Variants in DLG2 observed in about 807,000 individuals in gnomAD.
The protein encoded by DLG2 is disks large homolog 2.
In DLG2, 45 loss-of-function variants were observed where a neutral mutation model predicts 132.5. The ratio of observed to expected loss-of-function variants is 0.34; its 90% confidence interval spans 0.27 to 0.44. The LOEUF (loss-of-function observed/expected upper bound fraction) is 0.44, where lower values mean the gene tolerates loss of function less well. DLG2 is among the 20% of genes least tolerant of loss of function. DLG2 has a pLI of 1.00. For synonymous variants in DLG2, 424 were observed against 419.6 expected (o/e 1.01, Z -0.13); for missense variants, 1,045 against 1,196.9 (o/e 0.87, Z 1.87).
chr11:85,087,510 G>A (rs2154174405), intron 6 of DLG2, among the ~76,000 whole-genome samples: 1 of 152,320 alleles, frequency 6.6e-6, no homozygotes, highest in Admixed American at 6.5e-5. Flanking sequence ...CAAAGGGAAA[G>A]ACTGTCATGC....
intron 6 of DLG2, among the ~76,000 whole-genome samples, chr11:85,016,560 G>C (rs1203477264): frequency 6.6e-6 from 1 of 152,006 alleles, no homozygotes; most frequent in Non-Finnish European, 1.5e-5. Context: ...GATAAATACT[G>C]CATCTGGTCT....
At chr11:84,216,738 G>T (rs2096840763) in intron 8 of DLG2, among the ~76,000 whole-genome samples, 1 of 152,140 alleles carries the variant, frequency 6.6e-6, no homozygotes, top group Non-Finnish European at 1.5e-5. Context: ...CATATAGTGG[G>T]CTATAATATA....
chr11:85,225,331 C>T (rs1025975819), intron 4 of DLG2, among the ~76,000 whole-genome samples: 4 of 152,020 alleles, frequency 2.6e-5, no homozygotes, highest in African/African-American at 9.7e-5. Flanking sequence ...AGATCCTGTC[C>T]CAGCCCACTC....
chr11:83,824,333 T>C (rs1478098652), intron 17 of DLG2, among the ~76,000 whole-genome samples: 1 of 152,116 alleles, frequency 6.6e-6, no homozygotes. Flanking sequence ...TTCCATGTTA[T>C]ATTGGAAATA....
At chr11:83,610,231 T>C (rs975783940) in intron 19 of DLG2, among the ~76,000 whole-genome samples, 3 of 151,970 alleles carry the variant, frequency 2.0e-5, no homozygotes, top group African/African-American at 7.2e-5. Context: ...GATCCCAGAG[T>C]TTACCTCTTC....
chr11:85,006,846 T>C (rs1003129542), intron 6 of DLG2, among the ~76,000 whole-genome samples: 2 of 152,254 alleles, frequency 1.3e-5, no homozygotes, highest in South Asian at 2.1e-4. Context: ...AGATCTTTCC[T>C]GCTTTCCTCT....
chr11:84,414,658 T>C (rs763775862), intron 7 of DLG2, among the ~76,000 whole-genome samples: 1 of 152,192 alleles, frequency 6.6e-6, no homozygotes, highest in Non-Finnish European at 1.5e-5. Flanking sequence ...CTGATCTATC[T>C]AATGACACTT....
At chr11:84,979,806 C>T (rs1236877731) in intron 6 of DLG2, among the ~76,000 whole-genome samples, 1 of 151,368 alleles carries the variant, frequency 6.6e-6, no homozygotes, top group Non-Finnish European at 1.5e-5. Flanking sequence ...AAAGTATAAT[C>T]ATTAACAAAA....
intron 21 of DLG2, among the ~76,000 whole-genome samples, chr11:83,500,633 G>A (rs921926374): frequency 1.3e-5 from 2 of 149,878 alleles, no homozygotes; most frequent in Non-Finnish European, 3.0e-5. Context: ...TGTCAGCTAG[G>A]GGGGTTATTT....
chr11:83,807,292 T>A (rs2046152764), intron 17 of DLG2, among the ~76,000 whole-genome samples: 2 of 152,126 alleles, frequency 1.3e-5, no homozygotes, highest in Non-Finnish European at 2.9e-5. Context: ...ATCAGAAAAA[T>A]TTTCCATTTA....
intron 3 of DLG2, among the ~76,000 whole-genome samples, chr11:85,458,409 T>C (rs1166324368): frequency 6.6e-6 from 1 of 152,330 alleles, no homozygotes; most frequent in East Asian, 1.9e-4. Context: ...TTCATTCCTA[T>C]CCATATTCTG....
At chr11:85,348,009 T>A in intron 3 of DLG2, among the ~76,000 whole-genome samples, 1 of 120,652 alleles carries the variant, frequency 8.3e-6, no homozygotes, top group Non-Finnish European at 1.6e-5. Context: ...TGAGACAGAG[T>A]CTCGCTCTGT....
intron 9 of DLG2, among the ~76,000 whole-genome samples, chr11:84,113,969 G>A (rs2093494702): frequency 6.6e-6 from 1 of 151,858 alleles, no homozygotes; most frequent in Non-Finnish European, 1.5e-5. Flanking sequence ...TAAAAAAAAT[G>A]TCCTATAAAG....
chr11:85,039,737 T>G (rs892115013), intron 6 of DLG2, among the ~76,000 whole-genome samples: 1 of 151,870 alleles, frequency 6.6e-6, no homozygotes, highest in East Asian at 1.9e-4. Context: ...GGCCTCCTCA[T>G]CACCTTACTC....
chr11:84,796,448 T>C (rs939314248), intron 6 of DLG2, among the ~76,000 whole-genome samples: 1 of 152,192 alleles, frequency 6.6e-6, no homozygotes, highest in African/African-American at 2.4e-5. Context: ...TGCAGTGTTA[T>C]AATATTCTGT....
intron 8 of DLG2, among the ~76,000 whole-genome samples, chr11:84,165,439 T>C (rs1440847764): frequency 2.0e-5 from 3 of 152,220 alleles, no homozygotes; most frequent in Non-Finnish European, 4.4e-5. Context: ...CTAATTGGTA[T>C]TCCAAAGTTC....
At chr11:83,532,866 C>T in intron 20 of DLG2, 83 bp from the exon 21 acceptor site, 5 of 1,143,612 alleles carry the variant, frequency 4.4e-6, no homozygotes, top group Non-Finnish European at 5.1e-6. Flanking sequence ...AACATTTTTT[C>T]CTCCTATCCT....
intron 6 of DLG2, among the ~76,000 whole-genome samples, chr11:84,806,282 A>T (rs2075988915): frequency 1.3e-5 from 2 of 152,188 alleles, no homozygotes; most frequent in Non-Finnish European, 2.9e-5. Flanking sequence ...ATGGCTGAAA[A>T]TGCTTTGAAA....
At chr11:84,967,881 T>C (rs2053551180) in intron 6 of DLG2, among the ~76,000 whole-genome samples, 1 of 152,136 alleles carries the variant, frequency 6.6e-6, no homozygotes, top group Non-Finnish European at 1.5e-5. Context: ...TCATTTTCAA[T>C]ATATTTTCTA....
Sources: allele counts gnomAD v4.1 joint callset (sites outside exome capture counted in the v4.1 genomes callset), GRCh38; gene constraint gnomAD v4.1.1; transcripts MANE v1.5; gene names NCBI Gene and HGNC (gene_info 2026-07-23, HGNC 2026-07-21).